MRPS9: variants seen among roughly 807,000 people sequenced by gnomAD.
The protein encoded by MRPS9 is small ribosomal subunit protein uS9m.
MRPS9 carries 45 observed loss-of-function variants against 59.9 expected under a neutral mutation model. The observed-to-expected ratio is 0.75, with a 90% CI of 0.59 to 0.96. The LOEUF (loss-of-function observed/expected upper bound fraction) is 0.96. Among genes scored for constraint, MRPS9 ranks in the 40% least tolerant of loss-of-function variants. The pLI, the probability that MRPS9 is intolerant of heterozygous loss-of-function variation, is 0.00. For missense variants in MRPS9, 473 were observed against 481.1 expected (o/e 0.98, Z 0.16); for synonymous variants, 171 against 166.8 (o/e 1.03, Z -0.19).
chr2:105,066,095 A>T (rs1679995463), intron 2 of MRPS9, among the ~76,000 whole-genome samples: 1 of 152,184 alleles, frequency 6.6e-6, no homozygotes, highest in African/African-American at 2.4e-5. Context: ...TCTGTTTTGT[A>T]TGTTTTGTTA....
rs932926422 is a variant in MRPS9 at position 105,049,075 on chromosome 2, A to T, written c.136-96A>T. On this transcript the variant is annotated intron_variant, in intron 1 of 10. Transcript: ENST00000258455. The stretch of plus-strand genomic sequence containing the variant: ...CACTTGAATACCGTAATAAAAAAAG[A>T]TAACTACTTGCATATACTATTTTAT... The T allele has an allele frequency of 4.8e-6, 4 of 840,060 alleles. No individual in the cohort carries two copies. The East Asian group carries it at 1.1e-4, about 23-fold the overall frequency. The allele number at this position is 840,060 out of a possible 1,614,324, so 52.0% of individuals were successfully genotyped here.
chr2:105,081,415 A>T (rs972348709), intron 5 of MRPS9, among the ~76,000 whole-genome samples: 1 of 152,252 alleles, frequency 6.6e-6, no homozygotes, highest in Admixed American at 6.5e-5. Context: ...TGTATGCTAC[A>T]TTAATTCTCT....
At chr2:105,053,696 A>C (rs138951140) in intron 2 of MRPS9, among the ~76,000 whole-genome samples, 37 of 152,306 alleles carry the variant, frequency 2.4e-4, no homozygotes, top group African/African-American at 7.7e-4. Flanking sequence ...GGTTCTCAAA[A>C]TATAGAATTA....
In MRPS9 at chr2:105,092,949, G is replaced by A. The variant is rs147943088; in HGVS notation, c.820+380G>A. ...ATCAAATGCCAAAACTATGTAATGT[G>A]AAAACTTCACGTCCTTAACTCACAT... On this transcript the variant is annotated intron_variant, in intron 8 of 10. Transcript: ENST00000258455. 3.3e-5 allele frequency among the ~76,000 whole-genome samples: 5 copies of A among 152,302 alleles called. No individual in the cohort carries two copies. The East Asian group carries it at 9.6e-4, about 29-fold the overall frequency.
chr2:105,053,120 A>C lies in MRPS9; in HGVS notation c.315+3770A>C, dbSNP rs551999503. Reference sequence around the variant, plus strand: ...GCATATGTAGCTTATTGAAAAAAGCAGAATCATTCAACAATTTTGTAATTT... The same window carrying C: ...GCATATGTAGCTTATTGAAAAAAGCCGAATCATTCAACAATTTTGTAATTT... On this transcript the variant is annotated intron_variant, in intron 2 of 10. Coordinates refer to ENST00000258455, the MANE Select transcript of MRPS9 (RefSeq NM_182640.3). Among the ~76,000 whole-genome samples, 182 of 152,358 alleles carry C rather than the reference A, an allele frequency of 1.2e-3. 2 individuals are homozygous for C. Among genetic ancestry groups the C allele is most frequent in the African/African-American group, 4.2e-3 (175 of 41,592 alleles).
chr2:105,071,341 G>C lies in MRPS9; in HGVS notation c.344G>C (p.Gly115Ala). 10 of 1,609,996 alleles carry C rather than the reference G, an allele frequency of 6.2e-6. No homozygotes were observed. The highest frequency in any genetic ancestry group is 7.6e-6 in the Non-Finnish European group (9 of 1,178,872). ...GCTATTGCTTACCTTTTCCCAAGTGGTTTGTTTGAGAAACGAGCCAGGCCA... is the reference window on the plus strand; with the variant it reads ...GCTATTGCTTACCTTTTCCCAAGTGCTTTGTTTGAGAAACGAGCCAGGCCA... The part of the protein sequence containing the change: ...DRAIAYLFPS[G>A]LFEKRARPVM... The change falls in exon 3 of 11, where the codon GGT (glycine) becomes GCT (alanine). Residue 115 changes from glycine to alanine, a missense_variant. Gly to Ala is a moderately conservative substitution (Grantham distance 60). Coordinates refer to ENST00000258455, the MANE Select transcript of MRPS9 (RefSeq NM_182640.3).
intron 2 of MRPS9, among the ~76,000 whole-genome samples, chr2:105,051,634 C>T (rs1309005672): frequency 1.3e-5 from 2 of 152,122 alleles, no homozygotes; most frequent in Admixed American, 1.3e-4. Flanking sequence ...TGAGAGTATT[C>T]CCATCTTAAT....
intron 2 of MRPS9, among the ~76,000 whole-genome samples, chr2:105,060,581 G>A (rs191979136): frequency 7.7e-4 from 117 of 152,154 alleles, no homozygotes; most frequent in African/African-American, 2.5e-3. Context: ...GCACCTGGCC[G>A]CTATTGTGTG....
At chr2:105,053,760 T>C (rs989976802) in intron 2 of MRPS9, among the ~76,000 whole-genome samples, 4 of 152,202 alleles carry the variant, frequency 2.6e-5, no homozygotes, top group Admixed American at 2.6e-4. Flanking sequence ...TGGTGGCAGC[T>C]ATTCTGTACT....
intron 1 of MRPS9, among the ~76,000 whole-genome samples, chr2:105,046,058 G>A (rs972418228): frequency 1.3e-5 from 2 of 151,938 alleles, no homozygotes; most frequent in Non-Finnish European, 2.9e-5. Flanking sequence ...TAGAGATGGG[G>A]TCTCACAATG....
At chr2:105,044,279 T>G (rs1286239627) in intron 1 of MRPS9, among the ~76,000 whole-genome samples, 1 of 152,242 alleles carries the variant, frequency 6.6e-6, no homozygotes, top group African/African-American at 2.4e-5. Context: ...TCAAGAATTC[T>G]TGGTGTTTTT....
chr2:105,073,104 TC>T (rs1680144236), intron 4 of MRPS9, among the ~76,000 whole-genome samples: 1 of 152,072 alleles, frequency 6.6e-6, no homozygotes, highest in African/African-American at 2.4e-5. Flanking sequence ...GATTTTTTTT[TC>T]TTCTTCTTCT....
chr2:105,091,248 T>C, intron 7 of MRPS9: 1 of 470,346 alleles, frequency 2.1e-6, no homozygotes, highest in Non-Finnish European at 4.4e-6. Flanking sequence ...AGATGAGGGA[T>C]GTGGAGGTGG....
intron 1 of MRPS9, among the ~76,000 whole-genome samples, chr2:105,040,759 A>G (rs146009531): frequency 7.2e-5 from 11 of 152,336 alleles, no homozygotes; most frequent in East Asian, 5.8e-4. Flanking sequence ...TCAGGGATCT[A>G]TGGTGTACTG....
At chr2:105,099,432 G>A (rs1680743466) in intron 10 of MRPS9, 2 of 357,794 alleles carry the variant, frequency 5.6e-6, no homozygotes, top group Non-Finnish European at 1.0e-5. Flanking sequence ...TAATTTAAGG[G>A]AAGCAGGTTT....
chr2:105,048,542 C>CTTTTTCTTATTTCTTAA (rs1679650756), intron 1 of MRPS9, among the ~76,000 whole-genome samples: 1 of 151,660 alleles, frequency 6.6e-6, no homozygotes, highest in Non-Finnish European at 1.5e-5. Context: ...ATATGCGAGC[C>CTTTTTCTTATTTCTTAA]CTTATTTCTG....
rs143576622 is a variant in MRPS9, at chr2:105,097,805, A to G, written c.1099+481A>G. ...AGCCTTAAACTTCTGGGCTCGAGCA[A>G]TCCTCCTGCCTCGGCCTCCCAGGTA... is the stretch of plus-strand genomic sequence containing the variant. On this transcript the variant is annotated intron_variant, in intron 10 of 10. Transcript: ENST00000258455. Among the ~76,000 whole-genome samples, 476 of 152,254 alleles carry G rather than the reference A, an allele frequency of 3.1e-3. 2 individuals are homozygous for G. Among genetic ancestry groups the G allele is most frequent in the African/African-American group, 0.011 (446 of 41,542 alleles).
chr2:105,084,495 G>T (rs921222624), intron 5 of MRPS9, among the ~76,000 whole-genome samples: 2 of 152,078 alleles, frequency 1.3e-5, no homozygotes, highest in Non-Finnish European at 2.9e-5. Context: ...GAAGATTCCA[G>T]ACTCTTAGCA....
At chr2:105,077,665 T>C (rs898759876) in intron 4 of MRPS9, among the ~76,000 whole-genome samples, 2 of 152,242 alleles carry the variant, frequency 1.3e-5, no homozygotes, top group Admixed American at 1.3e-4. Flanking sequence ...AAGTATGTGT[T>C]ACTTGTGTAA....
Sources: gnomAD v4.1 joint callset for allele counts (sites outside exome capture counted in the v4.1 genomes callset) on GRCh38, gnomAD v4.1.1 for gene constraint, MANE v1.5 for transcripts, NCBI Gene and HGNC (gene_info 2026-07-23, HGNC 2026-07-21) for gene names.